RSPH10B2: variants seen among roughly 807,000 people sequenced by gnomAD.
RSPH10B2 encodes radial spoke head 10 homolog B2.
Under a neutral mutation model 49.0 loss-of-function variants are expected in RSPH10B2, and 9 were observed. That is an observed-to-expected ratio of 0.18 (90% CI 0.11 to 0.32). The LOEUF (loss-of-function observed/expected upper bound fraction) is 0.32. Among genes scored for constraint, RSPH10B2 ranks in the 10% least tolerant of loss-of-function variants. The pLI, the probability that RSPH10B2 is intolerant of heterozygous loss-of-function variation, is 1.00. For missense variants in RSPH10B2, 95 were observed against 589.9 expected (o/e 0.16, Z 8.69); for synonymous variants, 35 against 210.2 (o/e 0.17, Z 7.21).
At chr7:6,758,884 G>C (rs544051184) in intron 1 of RSPH10B2, among the ~76,000 whole-genome samples, 200 bp from the exon 4 acceptor site, 1 of 136,674 alleles carries the variant, frequency 7.3e-6, no homozygotes, top group Non-Finnish European at 1.6e-5. Flanking sequence ...AAAAAACCCC[G>C]AAATGCCTTC....
At chr7:6,791,414 A>T (rs1298140734) in intron 16 of RSPH10B2, among the ~76,000 whole-genome samples, 1 of 149,590 alleles carries the variant, frequency 6.7e-6, no homozygotes, top group Non-Finnish European at 1.5e-5. Flanking sequence ...TCTGTTATTC[A>T]TTTCATTAAT....
In RSPH10B2 at chr7:6,776,887, A is replaced by T. The variant is rs1360140801; in HGVS notation, c.1414+341A>T. Among the ~76,000 whole-genome samples, 799 of 138,314 alleles carry T rather than the reference A, an allele frequency of 5.8e-3. 11 individuals are homozygous for T. Among genetic ancestry groups the T allele is most frequent in the African/African-American group, 6.6e-3 (246 of 37,420 alleles). 90.7% of individuals were successfully genotyped at this position (138,314 alleles called of 152,430 possible). On this transcript the variant is annotated intron_variant, in intron 10 of 18. Transcript: ENST00000297186. ...GCGAGACTCCATCACACACACACAC[A>T]CACACACACACACACACACACACAC...
upstream of RSPH10B2, among the ~76,000 whole-genome samples, chr7:6,756,269 CA>C (rs1277734725): frequency 1.6e-5 from 2 of 127,070 alleles, no homozygotes; most frequent in Non-Finnish European, 1.6e-5. Context: ...GACTCCGTCT[CA>C]AAAATAAATA....
At chr7:6,779,811 A>G (rs1199015803) in intron 11 of RSPH10B2, 87 bp downstream of exon 13, 1 of 277,290 alleles carries the variant, frequency 3.6e-6, no homozygotes, top group Non-Finnish European at 6.5e-6. Context: ...TTCAGCAGTC[A>G]TTTTTATTTT....
At chr7:6,772,037 G>A (rs1583510176) in intron 8 of RSPH10B2, among the ~76,000 whole-genome samples, 2 of 132,852 alleles carry the variant, frequency 1.5e-5, no homozygotes, top group Admixed American at 7.8e-5. Context: ...AAAAAAAAAA[G>A]AAATAAAATT....
intron 13 of RSPH10B2, among the ~76,000 whole-genome samples, chr7:6,783,277 G>A (rs1478212227): frequency 8.7e-6 from 1 of 115,498 alleles, no homozygotes; most frequent in African/African-American, 3.7e-5. Flanking sequence ...TGATCCGCCC[G>A]TGTCGGACTC....
intron 7 of RSPH10B2, among the ~76,000 whole-genome samples, chr7:6,770,624 T>G (rs1406425788): frequency 7.7e-6 from 1 of 129,518 alleles, no homozygotes; most frequent in East Asian, 2.1e-4. Flanking sequence ...AAAAAAAAAT[T>G]GTGGGGCACG....
intron 15 of RSPH10B2, among the ~76,000 whole-genome samples, chr7:6,787,351 TCAAAA>T (rs1434708185): frequency 1.7e-5 from 2 of 115,146 alleles, no homozygotes; most frequent in Non-Finnish European, 3.4e-5. Context: ...GCAAGACTTC[TCAAAA>T]CAAAACAAAA....
At chr7:6,755,651 C>T (rs1477809078), upstream of RSPH10B2, among the ~76,000 whole-genome samples, 3 of 43,916 alleles carry the variant, frequency 6.8e-5, no homozygotes, top group East Asian at 1.9e-3. Context: ...AAAAAGGAAA[C>T]CAGCCAGGCA....
chr7:6,763,729 G>A (rs1345855003), intron 3 of RSPH10B2, among the ~76,000 whole-genome samples, 199 bp from the exon 6 acceptor site: 27 of 145,816 alleles, frequency 1.9e-4, no homozygotes, highest in Admixed American at 1.6e-3. Context: ...CCCACTGGTC[G>A]GGTCAGATGA....
In RSPH10B2 at chr7:6,780,131, C is replaced by CT. The variant is rs781043300; in HGVS notation, c.1529+414dup. On this transcript the variant is annotated intron_variant, in intron 11 of 18. Coordinates refer to ENST00000297186, the Ensembl canonical transcript of RSPH10B2. ...AGCCACCATGCCCAGCCTCAGCAGT[C>CT]TTTTTTTAACATACTCTTGAAATGA... is the stretch of plus-strand genomic sequence containing the variant. Among the ~76,000 whole-genome samples, 43 of 110,808 alleles carry CT rather than the reference C, an allele frequency of 3.9e-4. 2 individuals are homozygous for CT. Among genetic ancestry groups the CT allele is most frequent in the Non-Finnish European group, 6.9e-4 (37 of 53,346 alleles). 72.7% of individuals were successfully genotyped at this position (110,808 alleles called of 152,430 possible). A position where few individuals can be genotyped will look rare whatever the true frequency, so the allele number is the denominator to read the frequency against.
intron 11 of RSPH10B2, among the ~76,000 whole-genome samples, chr7:6,780,364 T>C (rs1475499493): frequency 8.1e-6 from 1 of 124,028 alleles, no homozygotes; most frequent in African/African-American, 2.9e-5. Context: ...TTTTATATCT[T>C]TTTTTAAAAA....
chr7:6,764,645 G>A (rs1292648051), intron 4 of RSPH10B2, among the ~76,000 whole-genome samples: 1 of 151,884 alleles, frequency 6.6e-6, no homozygotes, highest in Non-Finnish European at 1.5e-5. Context: ...ACAGGCGTGA[G>A]CCACACTGTG....
chr7:6,758,267 A>G (rs1460593210), intron 1 of RSPH10B2, among the ~76,000 whole-genome samples: 2 of 149,960 alleles, frequency 1.3e-5, no homozygotes, highest in South Asian at 2.2e-4. Flanking sequence ...GGCGTAAGCC[A>G]CTGTGCCTGG....
intron 13 of RSPH10B2, 52 bp from the exon 16 acceptor site, chr7:6,785,895 TAA>T: frequency 2.4e-6 from 2 of 847,506 alleles, no homozygotes; most frequent in Non-Finnish European, 4.0e-6. Context: ...AAATTGACAT[TAA>T]AACATATAGC....
chr7:6,794,094 A>C, intron 17 of RSPH10B2: 1 of 150,940 alleles, frequency 6.6e-6, no homozygotes, highest in Admixed American at 6.7e-5. Flanking sequence ...GCTGCTAGGC[A>C]TCTTGGGGGG....
At chr7:6,797,073 A>G (rs1341216411) in intron 18 of RSPH10B2, 9 of 336,080 alleles carry the variant, frequency 2.7e-5, no homozygotes, top group Non-Finnish European at 4.7e-5. Flanking sequence ...GAGTGGTATG[A>G]TCTCAGCTCA....
intron 17 of RSPH10B2, among the ~76,000 whole-genome samples, chr7:6,793,798 C>T (rs1387521652): frequency 6.8e-6 from 1 of 146,164 alleles, no homozygotes; most frequent in African/African-American, 2.5e-5. Flanking sequence ...GAGCTGAGAC[C>T]ATGCCATTGC....
chr7:6,783,220 C>G (rs1782008571), intron 13 of RSPH10B2, among the ~76,000 whole-genome samples: 1 of 113,534 alleles, frequency 8.8e-6, no homozygotes, highest in South Asian at 3.8e-4. Context: ...TTAGTAGAGA[C>G]AGTGTTTCAC....
Sources: allele counts gnomAD v4.1 joint callset (sites outside exome capture counted in the v4.1 genomes callset), GRCh38; gene constraint gnomAD v4.1.1; transcripts MANE v1.5; gene names NCBI Gene and HGNC (gene_info 2026-07-23, HGNC 2026-07-21).